ATRNL1: variants seen among roughly 807,000 people sequenced by gnomAD.
The protein encoded by ATRNL1 is attractin like 1.
ATRNL1 carries 95 observed loss-of-function variants against 182.7 expected under a neutral mutation model. The ratio of observed to expected loss-of-function variants is 0.52; its 90% CI spans 0.44 to 0.62. The LOEUF (loss-of-function observed/expected upper bound fraction) is 0.62, where lower values mean the gene tolerates loss of function less well. ATRNL1 is among the 20% of genes least tolerant of loss of function. The pLI, the probability that ATRNL1 is intolerant of heterozygous loss-of-function variation, is 0.00. For missense variants in ATRNL1, 1,471 were observed against 1,679.5 expected (o/e 0.88, Z 2.17); for synonymous variants, 576 against 568.3 (o/e 1.01, Z -0.19).
intron 27 of ATRNL1, among the ~76,000 whole-genome samples, chr10:115,808,772 G>T (rs1034176495): frequency 2.0e-5 from 3 of 152,032 alleles, no homozygotes; most frequent in Non-Finnish European, 2.9e-5. Context: ...TGACTTCCGA[G>T]GTTGAGCATC....
intron 25 of ATRNL1, among the ~76,000 whole-genome samples, chr10:115,539,062 T>A (rs1852204333): frequency 6.6e-6 from 1 of 152,214 alleles, no homozygotes; most frequent in African/African-American, 2.4e-5. Context: ...GCACCCTCTA[T>A]GATGTTTGCA....
At position 115,113,063 on chromosome 10, in the gene ATRNL1, A is replaced by G. The variant is rs1289155148; in HGVS notation, c.294-7122A>G. Among the ~76,000 whole-genome samples, 3 of 152,208 alleles carry G rather than the reference A, an allele frequency of 2.0e-5. No homozygotes were observed. In the East Asian group the frequency reaches 5.8e-4, roughly 29 times the overall value. On this transcript the variant is annotated intron_variant, in intron 1 of 28. Transcript: ENST00000355044. ...CACTACAATTCTGAAGACAAAGCAC[A>G]ATCAAAGCAATGGCTACCAGGAGGT...
chr10:115,331,231 T>G, intron 18 of ATRNL1, among the ~76,000 whole-genome samples: 1 of 152,130 alleles, frequency 6.6e-6, no homozygotes, highest in Non-Finnish European at 1.5e-5. Flanking sequence ...GGCTAATTTT[T>G]TTGTATTTTT....
chr10:115,367,418 T>C (rs1225640075), intron 19 of ATRNL1, among the ~76,000 whole-genome samples: 1 of 140,444 alleles, frequency 7.1e-6, no homozygotes, highest in African/African-American at 2.5e-5. Flanking sequence ...TTATACATTC[T>C]TCTAAATTTT....
chr10:115,292,640 G>T (rs1304734996), intron 15 of ATRNL1, among the ~76,000 whole-genome samples: 1 of 151,732 alleles, frequency 6.6e-6, no homozygotes, highest in Non-Finnish European at 1.5e-5. Flanking sequence ...GGACTATATT[G>T]TTTAATTTCC....
At chr10:115,458,837 GAT>G (rs1208158326) in intron 21 of ATRNL1, among the ~76,000 whole-genome samples, 73 of 152,224 alleles carry the variant, frequency 4.8e-4, no homozygotes, top group Admixed American at 4.7e-3. Flanking sequence ...TTTCCTTCGT[GAT>G]ATTTTTTTCT....
intron 27 of ATRNL1, among the ~76,000 whole-genome samples, chr10:115,731,660 T>C (rs1259530111): frequency 1.3e-5 from 2 of 149,340 alleles, no homozygotes; most frequent in African/African-American, 4.9e-5. Context: ...ATATATATAA[T>C]GTTCTAATAT....
At chr10:115,836,623 C>T (rs1009243366) in intron 27 of ATRNL1, among the ~76,000 whole-genome samples, 1 of 152,156 alleles carries the variant, frequency 6.6e-6, no homozygotes, top group Non-Finnish European at 1.5e-5. Flanking sequence ...GTGAACTCTT[C>T]GGTGACTCTC....
At chr10:115,658,888 A>G (rs1183957039) in intron 26 of ATRNL1, among the ~76,000 whole-genome samples, 2 of 152,182 alleles carry the variant, frequency 1.3e-5, no homozygotes, top group African/African-American at 2.4e-5. Context: ...CGGGAAACTT[A>G]CAGTCATGGC....
At position 115,533,302 on chromosome 10, in the gene ATRNL1, G is replaced by T. The variant is rs558959476; in HGVS notation, c.3716+13978G>T. On this transcript the variant is annotated intron_variant, in intron 25 of 28. Coordinates refer to ENST00000355044, the MANE Select transcript of ATRNL1 (RefSeq NM_207303.4). Reference sequence around the variant, plus strand: ...AGATGGTGTTATTGGTCTATTCAGAGATTCAACTTCTTCTTGGTTTAGTCT... The same window carrying T: ...AGATGGTGTTATTGGTCTATTCAGATATTCAACTTCTTCTTGGTTTAGTCT... Among the ~76,000 whole-genome samples the T allele has an allele frequency of 1.4e-4, 21 of 152,174 alleles. No homozygotes were observed. In the South Asian group the frequency reaches 4.4e-3, roughly 32 times the overall value.
intron 7 of ATRNL1, among the ~76,000 whole-genome samples, chr10:115,170,772 CTTAA>C (rs1444478766): frequency 6.6e-6 from 1 of 151,946 alleles, no homozygotes; most frequent in African/African-American, 2.4e-5. Flanking sequence ...TAAAAGTATA[CTTAA>C]TTGACTACAT....
intron 24 of ATRNL1, among the ~76,000 whole-genome samples, chr10:115,480,463 T>TA (rs1848716112): frequency 6.6e-6 from 1 of 151,122 alleles, no homozygotes; most frequent in African/African-American, 2.4e-5. Context: ...TTTTCTTTTT[T>TA]AAAAAAGTTT....
intron 26 of ATRNL1, among the ~76,000 whole-genome samples, chr10:115,682,217 C>CT (rs35970320): frequency 0.21 from 31,391 of 152,088 alleles, 3,983 homozygotes; most frequent in East Asian, 0.44. Flanking sequence ...GATCCTGTGC[C>CT]TTTGTTTCCT....
intron 24 of ATRNL1, among the ~76,000 whole-genome samples, chr10:115,516,841 G>A (rs1045973543): frequency 8.6e-5 from 13 of 151,778 alleles, no homozygotes; most frequent in African/African-American, 3.1e-4. Flanking sequence ...CCCCTTTAGT[G>A]AGGCCAGCAG....
intron 27 of ATRNL1, among the ~76,000 whole-genome samples, chr10:115,758,173 A>G (rs1236793448): frequency 6.6e-6 from 1 of 152,000 alleles, no homozygotes; most frequent in East Asian, 1.9e-4. Flanking sequence ...TAATTCATCA[A>G]ACTCATTCTC....
intron 6 of ATRNL1, among the ~76,000 whole-genome samples, chr10:115,164,561 A>G (rs1226822864): frequency 2.6e-5 from 4 of 152,188 alleles, no homozygotes; most frequent in Non-Finnish European, 4.4e-5. Flanking sequence ...TACAATAGCC[A>G]TAATATGGAC....
Position 115,160,060 on chromosome 10 carries a change from G to A in ATRNL1, c.850G>A (p.Val284Ile). The change falls in exon 6 of 29, where the codon GTT becomes ATT. Residue 284 changes from valine (V) to isoleucine (I), a missense_variant. Around this residue, in one of 3 missense-constraint regions of ATRNL1, gnomAD observed 1,031 missense variants for 1,156.0 expected, o/e 0.89. Transcript: ENST00000355044. Reference sequence around the variant, plus strand: ...AATAGGTCCTGATTGTTCTTTGAATGTTCCCTCTACTGAGTCTTACTGGAT... The same window carrying A: ...AATAGGTCCTGATTGTTCTTTGAATATTCCCTCTACTGAGTCTTACTGGAT... ...SWQGPDCSLN[V>I]PSTESYWILP... 1 of 1,604,742 alleles carries A rather than the reference G, an allele frequency of 6.2e-7. No individual in the cohort carries two copies. The highest frequency in any genetic ancestry group is 8.5e-7 in the Non-Finnish European group (1 of 1,175,524).
At chr10:115,322,087 A>G (rs1011121887) in intron 18 of ATRNL1, among the ~76,000 whole-genome samples, 2 of 152,076 alleles carry the variant, frequency 1.3e-5, no homozygotes, top group Non-Finnish European at 2.9e-5. Flanking sequence ...CTTTTAACAT[A>G]TACATTTTAA....
chr10:115,177,139 A>G (rs570040485), intron 8 of ATRNL1, among the ~76,000 whole-genome samples: 94 of 152,270 alleles, frequency 6.2e-4, no homozygotes, highest in African/African-American at 2.2e-3. Flanking sequence ...TAAGTGGGAA[A>G]GTAATCAACG....
Sources: allele counts gnomAD v4.1 joint callset (sites outside exome capture counted in the v4.1 genomes callset), GRCh38; gene constraint gnomAD v4.1.1; regional missense constraint gnomAD v4.1.1; transcripts MANE v1.5; gene names NCBI Gene and HGNC (gene_info 2026-07-23, HGNC 2026-07-21).